CTNNA3: variants seen among roughly 807,000 people sequenced by gnomAD.
The protein encoded by CTNNA3 is catenin alpha-3.
In CTNNA3, 76 loss-of-function variants were observed where a neutral mutation model predicts 95.7. The ratio of observed to expected loss-of-function variants is 0.79; its 90% CI spans 0.66 to 0.96. The LOEUF (loss-of-function observed/expected upper bound fraction) is 0.96, where lower values mean the gene tolerates loss of function less well. Among genes scored for constraint, CTNNA3 ranks in the 40% least tolerant of loss-of-function variants. The pLI, the probability that CTNNA3 is intolerant of heterozygous loss-of-function variation, is 0.00. For synonymous variants in CTNNA3, 431 were observed against 374.4 expected (o/e 1.15, Z -1.74); for missense variants, 1,191 against 1,089.8 (o/e 1.09, Z -1.31).
intron 12 of CTNNA3, among the ~76,000 whole-genome samples, chr10:66,366,543 G>A (rs1019875942): frequency 4.6e-5 from 7 of 152,118 alleles, no homozygotes; most frequent in African/African-American, 1.4e-4. Context: ...GAGGCTTGAG[G>A]AAGCTTGTTT....
chr10:67,726,370 G>A lies in CTNNA3; in HGVS notation c.-2+37064C>T, dbSNP rs796942790. Among the ~76,000 whole-genome samples the A allele has an allele frequency of 1.1e-3, 58 of 51,046 alleles. 2 individuals carry two copies. The highest frequency in any genetic ancestry group is 3.9e-3 in the African/African-American group (40 of 10,216). 33.5% of individuals were successfully genotyped at this position (51,046 alleles called of 152,430 possible). On this transcript the variant is annotated intron_variant, in intron 1 of 17. Transcript: ENST00000684154. Reference sequence around the variant, plus strand: ...ATATGATATATATGATATAATATATGATATTATATATGAAATTATATATAT... The same window carrying A: ...ATATGATATATATGATATAATATATAATATTATATATGAAATTATATATAT...
At chr10:65,960,322 G>A (rs965237845) in intron 17 of CTNNA3, among the ~76,000 whole-genome samples, 1 of 151,804 alleles carries the variant, frequency 6.6e-6, no homozygotes, top group Non-Finnish European at 1.5e-5. Context: ...GGATCACAAG[G>A]TCAGGAGGTC....
At chr10:67,363,860 A>G (rs1183398964) in intron 5 of CTNNA3, among the ~76,000 whole-genome samples, 1 of 152,220 alleles carries the variant, frequency 6.6e-6, no homozygotes, top group African/African-American at 2.4e-5. Flanking sequence ...ACAGTCCAGG[A>G]CCAGACATAT....
At chr10:65,928,360 A>G (rs1347602155) in intron 17 of CTNNA3, among the ~76,000 whole-genome samples, 2 of 152,154 alleles carry the variant, frequency 1.3e-5, no homozygotes, top group Admixed American at 6.5e-5. Context: ...GCATCATACT[A>G]TGACGCTAAC....
At chr10:67,743,274 C>T (rs1841353563) in intron 1 of CTNNA3, among the ~76,000 whole-genome samples, 1 of 151,148 alleles carries the variant, frequency 6.6e-6, no homozygotes, top group African/African-American at 2.4e-5. Context: ...CAAACCAAAT[C>T]CAGCAGCACA....
At chr10:66,072,565 C>A (rs1428586998) in intron 14 of CTNNA3, among the ~76,000 whole-genome samples, 2 of 152,100 alleles carry the variant, frequency 1.3e-5, no homozygotes, top group Admixed American at 6.6e-5. Context: ...CCACCTCAGC[C>A]TCCCAAGTAG....
intron 1 of CTNNA3, among the ~76,000 whole-genome samples, chr10:67,761,611 G>A (rs538713445): frequency 1.3e-5 from 2 of 152,242 alleles, no homozygotes; most frequent in East Asian, 3.9e-4. Flanking sequence ...GGGCGCGGTG[G>A]TTCACGCCTG....
chr10:67,750,177 T>A (rs1479500233), intron 1 of CTNNA3: 1 of 1,175,526 alleles, frequency 8.5e-7, no homozygotes. Flanking sequence ...GTCCGTGGCT[T>A]CATTCTTGAA....
At chr10:67,097,878 T>C (rs1223065813) in intron 7 of CTNNA3, 2 of 1,247,570 alleles carry the variant, frequency 1.6e-6, no homozygotes, top group East Asian at 4.8e-5. Flanking sequence ...CATTGTGGAC[T>C]CTAAAAACAA....
chr10:66,045,910 A>T (rs2079818641), intron 15 of CTNNA3, among the ~76,000 whole-genome samples: 1 of 152,184 alleles, frequency 6.6e-6, no homozygotes, highest in African/African-American at 2.4e-5. Flanking sequence ...TTTATCTTTT[A>T]TTAAGTTTAT....
At chr10:67,120,848 C>A (rs1199323454) in intron 7 of CTNNA3, among the ~76,000 whole-genome samples, 1 of 151,978 alleles carries the variant, frequency 6.6e-6, no homozygotes, top group Non-Finnish European at 1.5e-5. Context: ...TATTCTACTA[C>A]GTGGAGAAAG....
chr10:67,517,250 C>G (rs1438074164), intron 5 of CTNNA3, among the ~76,000 whole-genome samples: 1 of 152,086 alleles, frequency 6.6e-6, no homozygotes, highest in African/African-American at 2.4e-5. Context: ...CACATCATCA[C>G]TAACTCCTGT....
intron 5 of CTNNA3, among the ~76,000 whole-genome samples, chr10:67,407,111 A>G (rs1845166023): frequency 6.6e-6 from 1 of 152,128 alleles, no homozygotes; most frequent in Non-Finnish European, 1.5e-5. Flanking sequence ...CAGAGATATA[A>G]CAAAAAAGAA....
intron 9 of CTNNA3, among the ~76,000 whole-genome samples, chr10:66,679,267 A>G (rs1369055666): frequency 6.6e-6 from 1 of 152,216 alleles, no homozygotes; most frequent in Non-Finnish European, 1.5e-5. Flanking sequence ...GCTATGAATC[A>G]TGGACAAATG....
chr10:66,229,721 T>C (rs1249619666), intron 13 of CTNNA3, among the ~76,000 whole-genome samples: 1 of 149,124 alleles, frequency 6.7e-6, no homozygotes, highest in African/African-American at 2.4e-5. Context: ...GTTGAATTTA[T>C]TTGTAATTTT....
intron 9 of CTNNA3, among the ~76,000 whole-genome samples, chr10:66,717,270 A>G (rs1462961412): frequency 6.6e-6 from 1 of 152,170 alleles, no homozygotes; most frequent in Non-Finnish European, 1.5e-5. Context: ...CGACTGACAC[A>G]GGTAAATAAT....
intron 5 of CTNNA3, among the ~76,000 whole-genome samples, chr10:67,252,396 T>C (rs1866147388): frequency 1.3e-5 from 2 of 152,160 alleles, no homozygotes; most frequent in South Asian, 4.1e-4. Context: ...TAACAAACCC[T>C]ATATGTACTG....
At position 66,915,696 on chromosome 10, in the gene CTNNA3, C is replaced by CATAT. The variant is rs1211633969; in HGVS notation, c.1048-140176_1048-140173dup. Among the ~76,000 whole-genome samples the CATAT allele has an allele frequency of 4.3e-3, 629 of 144,924 alleles. 4 individuals are homozygous for CATAT. The highest frequency in any genetic ancestry group is 0.015 in the African/African-American group (598 of 38,928). ...GTGTTTGGAAAGCTTCGGCATTTGA[C>CATAT]ATATATATATATATAATATATATAT... On this transcript the variant is annotated intron_variant, in intron 7 of 17. Coordinates refer to ENST00000433211, the MANE Select transcript of CTNNA3 (RefSeq NM_013266.4).
At chr10:66,162,617 G>A (rs1012751224) in intron 13 of CTNNA3, among the ~76,000 whole-genome samples, 19 of 152,030 alleles carry the variant, frequency 1.2e-4, no homozygotes, top group Admixed American at 3.3e-4. Context: ...GTGCTGGGTC[G>A]GGGGGTGCTA....
Sources: gnomAD v4.1 joint callset for allele counts (sites outside exome capture counted in the v4.1 genomes callset) on GRCh38, gnomAD v4.1.1 for gene constraint, MANE v1.5 for transcripts, NCBI Gene and HGNC (gene_info 2026-07-23, HGNC 2026-07-21) for gene names.